Variants in PVT1 observed in about 807,000 individuals in gnomAD.
PVT1 encodes CXCR4/PVT1 fusion.
intron 3 of PVT1, among the ~76,000 whole-genome samples, chr8:127,927,041 G>A (rs1315409710): frequency 1.3e-5 from 2 of 152,180 alleles, no homozygotes; most frequent in Non-Finnish European, 2.9e-5. Flanking sequence ...GGAAAAGGAC[G>A]TGGGAAGGCT....
intron 3 of PVT1, among the ~76,000 whole-genome samples, chr8:127,915,120 T>C (rs1278671996): frequency 6.6e-6 from 1 of 151,192 alleles, no homozygotes; most frequent in Non-Finnish European, 1.5e-5. Flanking sequence ...CCACCACACC[T>C]GGCCAATGAG....
At chr8:127,859,866 T>C (rs1284290830) in intron 2 of PVT1, among the ~76,000 whole-genome samples, 2 of 151,758 alleles carry the variant, frequency 1.3e-5, no homozygotes, top group African/African-American at 2.4e-5. Flanking sequence ...TTGGCCGTCA[T>C]TTGTTTCTTT....
intron 3 of PVT1, among the ~76,000 whole-genome samples, chr8:127,891,533 C>G (rs984264372): frequency 6.6e-6 from 1 of 152,208 alleles, no homozygotes; most frequent in Admixed American, 6.5e-5. Flanking sequence ...TGCCTCCAGG[C>G]AGACTGATGG....
chr8:128,006,890 G>A (rs1026283841), intron 4 of PVT1, among the ~76,000 whole-genome samples: 37 of 152,082 alleles, frequency 2.4e-4, no homozygotes, highest in Non-Finnish European at 1.0e-4. Context: ...TGTTTTTTGA[G>A]CACTGCCTTA....
intron 3 of PVT1, among the ~76,000 whole-genome samples, chr8:127,973,403 C>A (rs1381753593): frequency 1.3e-5 from 2 of 152,144 alleles, no homozygotes; most frequent in African/African-American, 2.4e-5. Context: ...TGAAATGTCC[C>A]CATTTTATGG....
At chr8:127,896,791 G>A (rs1389130692) in intron 3 of PVT1, among the ~76,000 whole-genome samples, 1 of 69,144 alleles carries the variant, frequency 1.4e-5, no homozygotes, top group African/African-American at 4.7e-5. Context: ...CCCCGCCCCC[G>A]ACCCACAGGC....
intron 2 of PVT1, among the ~76,000 whole-genome samples, chr8:127,876,511 T>G (rs1815406937): frequency 6.6e-6 from 1 of 152,176 alleles, no homozygotes; most frequent in Non-Finnish European, 1.5e-5. Context: ...TGTATTTATT[T>G]TAGCTGCTCC....
intron 4 of PVT1, among the ~76,000 whole-genome samples, chr8:128,066,835 G>T (rs756816306): frequency 6.6e-6 from 1 of 152,102 alleles, no homozygotes. Flanking sequence ...GTCTTCACTC[G>T]TCTCTTTCCT....
chr8:127,936,262 G>A (rs1194056104), intron 3 of PVT1, among the ~76,000 whole-genome samples: 1 of 151,722 alleles, frequency 6.6e-6, no homozygotes, highest in Non-Finnish European at 1.5e-5. Context: ...ATGTTGGTCG[G>A]GCTGGTCTCC....
chr8:128,053,913 T>C (rs1156462501), intron 4 of PVT1, among the ~76,000 whole-genome samples: 3 of 152,192 alleles, frequency 2.0e-5, no homozygotes, highest in African/African-American at 7.2e-5. Flanking sequence ...GGCCCTCTGA[T>C]CTTCCTGCAT....
intron 2 of PVT1, among the ~76,000 whole-genome samples, chr8:127,850,213 C>T (rs1563621384): frequency 6.6e-6 from 1 of 152,132 alleles, no homozygotes; most frequent in African/African-American, 2.4e-5. Context: ...CACCCTAGGG[C>T]AGTTAGGCAA....
intron 5 of PVT1, among the ~76,000 whole-genome samples, chr8:128,086,229 A>G (rs1383707050): frequency 6.6e-6 from 1 of 152,198 alleles, no homozygotes; most frequent in East Asian, 1.9e-4. Context: ...TTCCTTGAGT[A>G]TTCCAGCCAA....
At chr8:127,963,229 A>G (rs981042680) in intron 3 of PVT1, among the ~76,000 whole-genome samples, 3 of 152,158 alleles carry the variant, frequency 2.0e-5, no homozygotes. Flanking sequence ...CTGTTATCCC[A>G]GGTCCTAGGC....
chr8:127,901,728 A>G (rs1297076193), intron 3 of PVT1, among the ~76,000 whole-genome samples: 1 of 151,878 alleles, frequency 6.6e-6, no homozygotes, highest in Non-Finnish European at 1.5e-5. Flanking sequence ...GGAAGATTAA[A>G]CATAGACAGT....
rs1268894369 is a variant in PVT1 at position 127,898,102 on chromosome 8, AGAAG to A, written n.782+7117_782+7120del. The stretch of plus-strand genomic sequence containing the variant: ...AAAGAAAAGGGAAGGAAGGAAGGAA[AGAAG>A]GAAGGAAGGAAGAAAGAAGGAAAGA... On this transcript the variant is annotated intron_variant and non_coding_transcript_variant, in intron 3 of 10. Coordinates refer to ENST00000651587, the Ensembl canonical transcript of PVT1. This position sits in a 1 kb window ranked among gnomAD's most constrained non-coding sequence, Gnocchi z 4.4. Among the ~76,000 whole-genome samples, 4 of 150,322 alleles carry A rather than the reference AGAAG, an allele frequency of 2.7e-5. 1 individual carries two copies. The highest frequency in any genetic ancestry group is 4.3e-4 in the South Asian group (2 of 4,664).
At chr8:127,803,510 A>G (rs1260795857) in intron 2 of PVT1, 1 of 152,166 alleles carries the variant, frequency 6.6e-6, no homozygotes, top group Non-Finnish European at 1.5e-5. Context: ...TCCCAAATAT[A>G]CATCTAAAAA....
At chr8:127,927,496 A>T (rs1816144456) in intron 3 of PVT1, among the ~76,000 whole-genome samples, 1 of 152,196 alleles carries the variant, frequency 6.6e-6, no homozygotes, top group African/African-American at 2.4e-5. Flanking sequence ...GCCCTTTTGG[A>T]TGCCTCTTAG....
chr8:128,071,102 T>C (rs1359103028), intron 5 of PVT1, among the ~76,000 whole-genome samples: 1 of 152,210 alleles, frequency 6.6e-6, no homozygotes. Flanking sequence ...CAGCTCATTT[T>C]GGAAACGGCA....
At chr8:127,967,605 G>C (rs1484336100) in intron 3 of PVT1, among the ~76,000 whole-genome samples, 1 of 152,148 alleles carries the variant, frequency 6.6e-6, no homozygotes, top group African/African-American at 2.4e-5. Context: ...CAAGAATAAG[G>C]CCTCGTCAGG....
Sources: gnomAD v4.1 joint callset for allele counts (sites outside exome capture counted in the v4.1 genomes callset) on GRCh38, gnomAD v4.1.1 for gene constraint, Gnocchi (gnomAD v3.1) non-coding constraint, MANE v1.5 for transcripts, NCBI Gene and HGNC (gene_info 2026-07-23, HGNC 2026-07-21) for gene names.